Variants in TSTD2 observed in about 807,000 individuals in gnomAD.
TSTD2 encodes the protein thiosulfate sulfurtransferase/rhodanese-like domain-containing protein 2.
A neutral mutation model predicts 47.9 loss-of-function variants in TSTD2; 37 were observed. That is an observed-to-expected ratio of 0.77 (90% CI 0.59 to 1.02). TSTD2 has a LOEUF of 1.02. Among genes scored for constraint, TSTD2 ranks in the 50% least tolerant of loss-of-function variants. TSTD2 has a pLI of 0.00. For synonymous variants in TSTD2, 201 were observed against 215.9 expected (o/e 0.93, Z 0.61); for missense variants, 586 against 616.0 (o/e 0.95, Z 0.52).
Position 97,602,383 on chromosome 9 carries a change from G to C in TSTD2, c.*86C>G. The stretch of plus-strand genomic sequence containing the variant: ...CAGAACTGAAGTTCCCGATTTCTCT[G>C]TTTCTGCAGTCTTGCCATGCTTTCT... On this transcript the variant is annotated 3_prime_UTR_variant, in exon 10 of 10. Transcript: ENST00000341170. 2.1e-6 allele frequency: 3 copies of C among 1,441,246 alleles called. No homozygotes were observed. The highest frequency in any genetic ancestry group is 2.8e-6 in the Non-Finnish European group (3 of 1,086,118). The allele number at this position is 1,441,246 out of a possible 1,614,324, so 89.3% of individuals were successfully genotyped here.
At chr9:97,608,563 G>A (rs575569628) in intron 6 of TSTD2, among the ~76,000 whole-genome samples, 108 of 152,224 alleles carry the variant, frequency 7.1e-4, no homozygotes, top group Non-Finnish European at 1.2e-3. Flanking sequence ...TTGAACCCCG[G>A]GGGAAAAGGT....
intron 8 of TSTD2, 36 bp from the exon 9 acceptor site, chr9:97,604,901 C>T (rs1826339706): frequency 6.2e-7 from 1 of 1,610,054 alleles, no homozygotes; most frequent in African/African-American, 1.3e-5. Flanking sequence ...TCTGAAGAGC[C>T]AGCAGAGACC....
intron 1 of TSTD2, among the ~76,000 whole-genome samples, chr9:97,631,517 C>T (rs1220814749): frequency 1.3e-5 from 2 of 152,154 alleles, no homozygotes; most frequent in Admixed American, 6.5e-5. Flanking sequence ...GCTAGAATTA[C>T]TGCAAAAGCT....
intron 5 of TSTD2, 123 bp from the exon 6 acceptor site, chr9:97,610,574 C>A: frequency 1.7e-6 from 1 of 597,366 alleles, no homozygotes; most frequent in East Asian, 3.4e-5. Flanking sequence ...TAAAAAACCT[C>A]TAGTTAGGGC....
intron 9 of TSTD2, 125 bp from the exon 10 acceptor site, chr9:97,602,892 T>A: frequency 1.0e-6 from 1 of 972,714 alleles, no homozygotes; most frequent in Non-Finnish European, 1.5e-6. Flanking sequence ...TTCCAAATAG[T>A]AAGTCTTCTG....
At chr9:97,616,178 GAAGGCCC>G (rs1826538324) in intron 4 of TSTD2, among the ~76,000 whole-genome samples, 1 of 152,134 alleles carries the variant, frequency 6.6e-6, no homozygotes, top group Non-Finnish European at 1.5e-5. Context: ...TTGCTTGTAA[GAAGGCCC>G]AAGGAGAGAA....
Position 97,601,264 on chromosome 9 carries a change from ATG to A in TSTD2, c.*1203_*1204del. The A allele has an allele frequency of 2.5e-6, 3 of 1,206,298 alleles. No homozygotes were observed. Among genetic ancestry groups the A allele is most frequent in the Middle Eastern group, 2.3e-4 (1 of 4,296 alleles). The allele number at this position is 1,206,298 out of a possible 1,614,324, so 74.7% of individuals were successfully genotyped here. A position where few individuals can be genotyped will look rare whatever the true frequency, so the allele number is the denominator to read the frequency against. ...TCTGTTGGTCTATGCATGGCTGCGT[ATG>A]TGTTTCTTGGAACCTGTGTGACAGG... On this transcript the variant is annotated 3_prime_UTR_variant, in exon 10 of 10. Coordinates refer to ENST00000341170, the MANE Select transcript of TSTD2 (RefSeq NM_139246.5).
rs1260583172 is a variant in TSTD2, at chr9:97,605,649, A to G, written c.955-8T>C. ...GCAGCCTTGGAATCGTCCCTGTAAC[A>G]TAGGAGCAACAAAAGGAAAATTATC... On this transcript the variant is annotated splice_polypyrimidine_tract_variant and splice_region_variant and intron_variant, in intron 7 of 9. Coordinates refer to ENST00000341170, the MANE Select transcript of TSTD2 (RefSeq NM_139246.5). 6.2e-7 allele frequency: 1 copy of G among 1,614,134 alleles called. No individual in the cohort carries two copies. The highest frequency in any genetic ancestry group is 8.5e-7 in the Non-Finnish European group (1 of 1,180,002).
intron 6 of TSTD2, among the ~76,000 whole-genome samples, chr9:97,608,139 C>T (rs149318876): frequency 3.3e-3 from 504 of 151,996 alleles, no homozygotes; most frequent in African/African-American, 0.012. Flanking sequence ...GCTGAGATTG[C>T]GCCACTGCAC....
intron 4 of TSTD2, among the ~76,000 whole-genome samples, chr9:97,617,293 G>C (rs1826559671): frequency 6.6e-6 from 1 of 152,200 alleles, no homozygotes; most frequent in Non-Finnish European, 1.5e-5. Context: ...GACCCTGGCA[G>C]GTTCCAGAAA....
chr9:97,624,339 G>C (rs1384749204), intron 3 of TSTD2, among the ~76,000 whole-genome samples: 4 of 152,148 alleles, frequency 2.6e-5, no homozygotes, highest in Non-Finnish European at 5.9e-5. Flanking sequence ...CCCCCACAGA[G>C]AGGAATGGAG....
chr9:97,627,553 A>C lies in TSTD2; in HGVS notation c.10T>G (p.Ser4Ala). MPS[S>A]TSPDQGDDLE... ...TCATCTCCTTGGTCTGGTGAAGTGG[A>C]AGAAGGCATCTGGTTTGGTTGCAAC... Residue 4 changes from serine (S) to alanine (A), a missense_variant, in exon 2 of 10, where the codon TCC becomes GCC. Coordinates refer to ENST00000341170, the MANE Select transcript of TSTD2 (RefSeq NM_139246.5). 1 of 1,606,412 alleles carries C rather than the reference A, an allele frequency of 6.2e-7. No homozygotes were observed. The highest frequency in any genetic ancestry group is 8.5e-7 in the Non-Finnish European group (1 of 1,175,104).
At chr9:97,619,740 C>T (rs1826600768) in intron 3 of TSTD2, among the ~76,000 whole-genome samples, 1 of 152,122 alleles carries the variant, frequency 6.6e-6, no homozygotes, top group South Asian at 2.1e-4. Flanking sequence ...TGACTGTTTA[C>T]ATTATTGATA....
Position 97,611,707 on chromosome 9 carries a change from A to C in TSTD2, c.604-8T>G. The C allele has an allele frequency of 6.3e-7, 1 of 1,597,162 alleles. No individual in the cohort carries two copies. The highest frequency in any genetic ancestry group is 8.6e-7 in the Non-Finnish European group (1 of 1,165,866). Reference sequence around the variant, plus strand: ...TTCTGCAGCAATTCGAATCTGAGACACAAGACGGTGAAAAAGAGAACAGAT... The same window carrying C: ...TTCTGCAGCAATTCGAATCTGAGACCCAAGACGGTGAAAAAGAGAACAGAT... On this transcript the variant is annotated splice_region_variant and splice_polypyrimidine_tract_variant and intron_variant, in intron 4 of 9. Transcript: ENST00000341170.
intron 3 of TSTD2, among the ~76,000 whole-genome samples, chr9:97,618,259 T>A (rs181747822): frequency 6.6e-6 from 1 of 152,362 alleles, no homozygotes; most frequent in African/African-American, 2.4e-5. Flanking sequence ...CTTCCATTTA[T>A]TCTTATAACC....
chr9:97,618,510 T>C (rs1826580380), intron 3 of TSTD2, among the ~76,000 whole-genome samples: 1 of 152,222 alleles, frequency 6.6e-6, no homozygotes, highest in South Asian at 2.1e-4. Context: ...AAATAAACTA[T>C]ATTTTCCAAA....
At position 97,600,539 on chromosome 9, in the gene TSTD2, G is replaced by A. The variant is rs1390854733; in HGVS notation, c.*1930C>T. 4 of 985,660 alleles carry A rather than the reference G, an allele frequency of 4.1e-6. No individual in the cohort carries two copies. The highest frequency in any genetic ancestry group is 4.8e-6 in the Non-Finnish European group (4 of 830,242). The allele number at this position is 985,660 out of a possible 1,614,324, so 61.1% of individuals were successfully genotyped here. A position where few individuals can be genotyped will look rare whatever the true frequency, so the allele number is the denominator to read the frequency against. On this transcript the variant is annotated 3_prime_UTR_variant, in exon 10 of 10. Coordinates refer to ENST00000341170, the MANE Select transcript of TSTD2 (RefSeq NM_139246.5). ...AAAACACCTTTCTATATTGCACAGT[G>A]GGCAAATGGCTTATGTGAGGTAAGA...
At chr9:97,613,728 C>A (rs1330005870) in intron 4 of TSTD2, among the ~76,000 whole-genome samples, 1 of 152,046 alleles carries the variant, frequency 6.6e-6, no homozygotes, top group African/African-American at 2.4e-5. Flanking sequence ...TCATATAACA[C>A]TGATATATAC....
chr9:97,625,869 T>C lies in TSTD2; in HGVS notation c.294A>G (p.Thr98=). The C allele has an allele frequency of 6.2e-7, 1 of 1,614,202 alleles. No homozygotes were observed. Among genetic ancestry groups the C allele is most frequent in the Non-Finnish European group, 8.5e-7 (1 of 1,179,994 alleles). Residue 98 remains threonine, a synonymous_variant, in exon 3 of 10, where the codon ACA becomes ACG. Coordinates refer to ENST00000341170, the MANE Select transcript of TSTD2 (RefSeq NM_139246.5). ...GGTGATAAATTTCATCAGCATGTTG[T>C]GTTGCCACATGTCTATGGATGCTGG... is the stretch of plus-strand genomic sequence containing the variant. ...DQTSIHRHVA[T]QHADEIYHQT... is the part of the protein sequence containing the mutation.
Sources: gnomAD v4.1 joint callset for allele counts (sites outside exome capture counted in the v4.1 genomes callset) on GRCh38, gnomAD v4.1.1 for gene constraint, MANE v1.5 for transcripts, NCBI Gene and HGNC (gene_info 2026-07-23, HGNC 2026-07-21) for gene names.